The following CYP7B1 variants were observed in gnomAD, a reference collection of about 807,000 sequenced individuals.
CYP7B1 encodes cytochrome P450 family 7 subfamily B member 1.
A neutral mutation model predicts 42.7 loss-of-function variants in CYP7B1; 29 were observed. The ratio of observed to expected loss-of-function variants is 0.68; its 90% CI spans 0.51 to 0.93. The LOEUF is 0.93. Among genes scored for constraint, CYP7B1 ranks in the 40% least tolerant of loss-of-function variants. The pLI, the probability that CYP7B1 is intolerant of heterozygous loss-of-function variation, is 0.00. For synonymous variants in CYP7B1, 235 were observed against 218.2 expected, an observed-to-expected ratio of 1.08 and a Z score of -0.68; for missense variants, 655 against 600.5, an observed-to-expected ratio of 1.09 and a Z score of -0.95.
chr8:64,754,034 C>T (rs1339652466), intron 1 of CYP7B1, among the ~76,000 whole-genome samples: 1 of 151,914 alleles, frequency 6.6e-6, no homozygotes, highest in Non-Finnish European at 1.5e-5. Flanking sequence ...GGTGCTCGTA[C>T]ACAACCATGT....
At chr8:64,726,159 T>G (rs1807321092) in intron 1 of CYP7B1, among the ~76,000 whole-genome samples, 1 of 152,154 alleles carries the variant, frequency 6.6e-6, no homozygotes, top group Non-Finnish European at 1.5e-5. Context: ...GAAACCTTCT[T>G]CTACCCCTCT....
intron 1 of CYP7B1, among the ~76,000 whole-genome samples, chr8:64,736,458 TTTA>T (rs1376645411): frequency 3.3e-5 from 5 of 152,164 alleles, no homozygotes; most frequent in Admixed American, 1.3e-4. Context: ...TTTTATTTAT[TTTA>T]TTTTTTTGAG....
At chr8:64,726,162 A>T (rs1807321128) in intron 1 of CYP7B1, among the ~76,000 whole-genome samples, 1 of 151,886 alleles carries the variant, frequency 6.6e-6, no homozygotes, top group Non-Finnish European at 1.5e-5. Context: ...ACCTTCTTCT[A>T]CCCCTCTGAT....
At position 64,615,979 on chromosome 8, in the gene CYP7B1, T is replaced by C. The variant is rs1805437418; in HGVS notation, c.562A>G (p.Ile188Val). 6.2e-7 allele frequency: 1 copy of C among 1,613,770 alleles called. No homozygotes were observed. Among genetic ancestry groups the C allele is most frequent in the Non-Finnish European group, 8.5e-7 (1 of 1,179,838 alleles). Residue 188 changes from isoleucine to valine, a missense_variant, in exon 3 of 6, where the codon ATA becomes GTA. Physicochemically the swap from Ile to Val is conservative, Grantham distance 29. Coordinates refer to ENST00000310193, the MANE Select transcript of CYP7B1 (RefSeq NM_004820.5). Reference protein sequence around the residue: ...AELYPFCSSIIFEITFTTIYG... With the variant: ...AELYPFCSSIVFEITFTTIYG... ...ATAGTTGTAAATGTGATCTCAAATA[T>C]TATTGAGCTGCAGAATGGATACAGT...
intron 1 of CYP7B1, among the ~76,000 whole-genome samples, chr8:64,681,266 GTTC>G (rs1806532902): frequency 2.6e-5 from 4 of 152,098 alleles, no homozygotes; most frequent in Non-Finnish European, 5.9e-5. Context: ...CTGTTTCTTT[GTTC>G]AGCCAGTTAA....
chr8:64,615,551 T>C, intron 3 of CYP7B1, 140 bp downstream of exon 3: 1 of 818,052 alleles, frequency 1.2e-6, no homozygotes, highest in South Asian at 1.6e-5. Flanking sequence ...TATAGAGGGT[T>C]ATATCAGAGT....
At chr8:64,740,944 T>C (rs1585888176) in intron 1 of CYP7B1, among the ~76,000 whole-genome samples, 2 of 152,216 alleles carry the variant, frequency 1.3e-5, no homozygotes, top group South Asian at 2.1e-4. Context: ...ATAATACCAA[T>C]TCTGTATCAT....
At chr8:64,752,456 G>C (rs1807743460) in intron 1 of CYP7B1, among the ~76,000 whole-genome samples, 1 of 151,748 alleles carries the variant, frequency 6.6e-6, no homozygotes, top group African/African-American at 2.4e-5. Flanking sequence ...TCCTCTGAGA[G>C]GTTTATATTA....
intron 1 of CYP7B1, among the ~76,000 whole-genome samples, chr8:64,658,644 T>C (rs1236860469): frequency 6.6e-6 from 1 of 152,184 alleles, no homozygotes; most frequent in East Asian, 1.9e-4. Flanking sequence ...TCATGTTCCC[T>C]GGTAAGTCTT....
chr8:64,648,523 A>G (rs1805988268), intron 1 of CYP7B1, among the ~76,000 whole-genome samples: 1 of 152,222 alleles, frequency 6.6e-6, no homozygotes, highest in African/African-American at 2.4e-5. Context: ...ACATGTCATT[A>G]ACACATTCTT....
chr8:64,620,104 T>G (rs1389022181), intron 2 of CYP7B1, among the ~76,000 whole-genome samples: 1 of 152,098 alleles, frequency 6.6e-6, no homozygotes, highest in Non-Finnish European at 1.5e-5. Context: ...GATGATCACT[T>G]GAACTCAGGA....
chr8:64,685,209 CG>C, intron 1 of CYP7B1, among the ~76,000 whole-genome samples: 1 of 151,002 alleles, frequency 6.6e-6, no homozygotes, highest in Non-Finnish European at 1.5e-5. Context: ...ACGGGCCCCG[CG>C]GGGCCCGAGG....
chr8:64,696,131 CATTTAGGGGACTGG>C (rs1411168205), intron 1 of CYP7B1, among the ~76,000 whole-genome samples: 3 of 152,210 alleles, frequency 2.0e-5, no homozygotes, highest in Admixed American at 2.0e-4. Flanking sequence ...AAGCACTTAT[CATTTAGGGGACTGG>C]ATTTCCACAG....
At chr8:64,679,825 C>A (rs1175611281) in intron 1 of CYP7B1, among the ~76,000 whole-genome samples, 1 of 152,164 alleles carries the variant, frequency 6.6e-6, no homozygotes, top group African/African-American at 2.4e-5. Context: ...ACAATTAATG[C>A]AATAAATTTA....
chr8:64,642,387 A>G (rs1805871790), intron 1 of CYP7B1, among the ~76,000 whole-genome samples: 1 of 151,166 alleles, frequency 6.6e-6, no homozygotes, highest in Non-Finnish European at 1.5e-5. Context: ...TTCCTGTTTT[A>G]TTTTTTCTCC....
intron 1 of CYP7B1, among the ~76,000 whole-genome samples, chr8:64,770,719 C>T (rs1379094686): frequency 1.3e-5 from 2 of 152,194 alleles, no homozygotes; most frequent in African/African-American, 4.8e-5. Flanking sequence ...GAGTTACACA[C>T]ATTGGGTGGA....
At chr8:64,744,906 A>AGGTATAG (rs1199521962) in intron 1 of CYP7B1, among the ~76,000 whole-genome samples, 1 of 152,346 alleles carries the variant, frequency 6.6e-6, no homozygotes, top group African/African-American at 2.4e-5. Flanking sequence ...TAGCGTAATG[A>AGGTATAG]CAGTGAGTTG....
chr8:64,598,683 C>T (rs1049641258), intron 5 of CYP7B1, among the ~76,000 whole-genome samples: 1 of 152,204 alleles, frequency 6.6e-6, no homozygotes, highest in Non-Finnish European at 1.5e-5. Context: ...CCACGGCAAA[C>T]ACGTGATGCA....
At chr8:64,780,296 C>G (rs1182294074) in intron 1 of CYP7B1, among the ~76,000 whole-genome samples, 1 of 152,054 alleles carries the variant, frequency 6.6e-6, no homozygotes, top group African/African-American at 2.4e-5. Flanking sequence ...ATTCTTCTAA[C>G]AAATATTCAC....
Sources: allele counts gnomAD v4.1 joint callset (sites outside exome capture counted in the v4.1 genomes callset), GRCh38; gene constraint gnomAD v4.1.1; transcripts MANE v1.5; gene names NCBI Gene and HGNC (gene_info 2026-07-23, HGNC 2026-07-21).